The following OPHN1 variants were observed in gnomAD, a reference collection of about 807,000 sequenced individuals.
OPHN1 encodes the protein oligophrenin-1.
In OPHN1, 11 loss-of-function variants were observed where a neutral mutation model predicts 60.7. That is an observed-to-expected ratio of 0.18 (90% CI 0.11 to 0.30). The LOEUF is 0.30. Among genes scored for constraint, OPHN1 ranks in the 10% least tolerant of loss-of-function variants. OPHN1 has a pLI of 1.00. For missense variants in OPHN1, 449 were observed against 611.0 expected (o/e 0.73, Z 2.80); for synonymous variants, 226 against 222.6 (o/e 1.02, Z -0.14).
At chrX:68,137,219 T>C (rs756129902) in intron 15 of OPHN1, among the ~76,000 whole-genome samples, 1 of 111,817 alleles carries the variant, frequency 8.9e-6, no homozygotes, top group African/African-American at 3.2e-5. Context: ...CTTGCATTTC[T>C]TTACCTGAAA....
intron 6 of OPHN1, among the ~76,000 whole-genome samples, chrX:68,223,186 G>T (rs114972868): frequency 0.067 from 7,510 of 111,342 alleles, 306 homozygotes; most frequent in African/African-American, 0.15. Flanking sequence ...TCACTACTGA[G>T]AATCTACCTA....
intron 2 of OPHN1, among the ~76,000 whole-genome samples, chrX:68,412,932 T>C (rs972205389): frequency 1.8e-5 from 2 of 111,638 alleles, no homozygotes; most frequent in East Asian, 5.6e-4. Flanking sequence ...TTTATATCAG[T>C]TTCAGAAGCA....
At chrX:68,214,322 A>G (rs2077598515) in intron 6 of OPHN1, among the ~76,000 whole-genome samples, 1 of 112,557 alleles carries the variant, frequency 8.9e-6, no homozygotes, top group Admixed American at 9.4e-5. Flanking sequence ...AATACAGAGA[A>G]TAAGAAATTA....
intron 5 of OPHN1, among the ~76,000 whole-genome samples, chrX:68,267,757 A>T (rs987405645): frequency 8.9e-6 from 1 of 111,895 alleles, no homozygotes; most frequent in Admixed American, 9.5e-5. Context: ...TGGTTTTTTG[A>T]AAAGATCAAC....
intron 2 of OPHN1, among the ~76,000 whole-genome samples, chrX:68,316,225 C>T (rs2078198645): frequency 9.0e-6 from 1 of 111,037 alleles, no homozygotes; most frequent in South Asian, 3.8e-4. Context: ...TCCACAATTA[C>T]AATAGGAGAC....
At chrX:68,154,315 G>A (rs1320058329) in intron 15 of OPHN1, among the ~76,000 whole-genome samples, 1 of 112,484 alleles carries the variant, frequency 8.9e-6, no homozygotes, top group East Asian at 2.8e-4. Flanking sequence ...TTTAAGGCAA[G>A]TATCTAGATT....
intron 6 of OPHN1, among the ~76,000 whole-genome samples, chrX:68,219,678 C>T (rs1273152209): frequency 3.6e-5 from 4 of 110,940 alleles, no homozygotes; most frequent in Non-Finnish European, 7.6e-5. Flanking sequence ...TCCTGAATGA[C>T]TACTGGGTAC....
intron 5 of OPHN1, among the ~76,000 whole-genome samples, chrX:68,239,770 T>C (rs1353609743): frequency 1.8e-5 from 2 of 109,709 alleles, no homozygotes; most frequent in Admixed American, 9.8e-5. Context: ...ATTTTAAATC[T>C]TTCCTTCCCA....
At chrX:68,117,192 A>G (rs754167356) in intron 16 of OPHN1, among the ~76,000 whole-genome samples, 6 of 110,414 alleles carry the variant, frequency 5.4e-5, no homozygotes, top group Non-Finnish European at 1.1e-4. Context: ...CCCTATACTG[A>G]TTCATGTAGT....
chrX:68,332,121 G>C (rs752218461), intron 2 of OPHN1, among the ~76,000 whole-genome samples: 1 of 112,140 alleles, frequency 8.9e-6, no homozygotes, highest in East Asian at 2.8e-4. Context: ...TTGAGGACAT[G>C]TGTACACAGT....
chrX:68,327,067 A>G (rs1378825368), intron 2 of OPHN1, among the ~76,000 whole-genome samples: 1 of 30,986 alleles, frequency 3.2e-5, no homozygotes, highest in African/African-American at 7.4e-4. Context: ...CGCCCTATCC[A>G]GGAGGTGAGG....
chrX:68,333,719 A>G (rs982979701), intron 2 of OPHN1, among the ~76,000 whole-genome samples: 1 of 110,753 alleles, frequency 9.0e-6, no homozygotes, highest in African/African-American at 3.3e-5. Flanking sequence ...ACGCACCTCC[A>G]TATATGAAAT....
intron 2 of OPHN1, among the ~76,000 whole-genome samples, chrX:68,321,447 CCATT>C (rs2078234844): frequency 8.9e-6 from 1 of 111,777 alleles, no homozygotes; most frequent in African/African-American, 3.3e-5. Context: ...TACTAGAATC[CCATT>C]CAATCATTAA....
chrX:68,071,644 C>T (rs1328306710), intron 20 of OPHN1: 1 of 553,824 alleles, frequency 1.8e-6, no homozygotes, highest in Admixed American at 2.3e-5. Context: ...AAGACAGTAG[C>T]CTTAATCCTC....
chrX:68,181,531 T>G (rs953875679), intron 15 of OPHN1, among the ~76,000 whole-genome samples: 2 of 111,370 alleles, frequency 1.8e-5, no homozygotes, highest in Non-Finnish European at 3.8e-5. Context: ...CCTGCTAAAT[T>G]TGGCATCCCT....
At chrX:68,270,360 C>T (rs200354055) in intron 5 of OPHN1, among the ~76,000 whole-genome samples, 1 of 110,201 alleles carries the variant, frequency 9.1e-6, no homozygotes, top group Non-Finnish European at 1.9e-5. Flanking sequence ...CAATGATAGA[C>T]TGGACTAAGA....
chrX:68,246,592 T>C (rs2077807062), intron 5 of OPHN1, among the ~76,000 whole-genome samples: 1 of 111,775 alleles, frequency 8.9e-6, no homozygotes, highest in South Asian at 3.8e-4. Flanking sequence ...AATAGTTAGT[T>C]TACATAACTT....
In OPHN1 at chrX:68,082,289, A is replaced by G. The variant is rs775573529; in HGVS notation, c.1687-8990T>C. On this transcript the variant is annotated intron_variant, in intron 19 of 24. Coordinates refer to ENST00000355520, the MANE Select transcript of OPHN1 (RefSeq NM_002547.3). Reference sequence around the variant, plus strand: ...ATATTTTGACCTCCTCTCATAAATTATTAATATTCTTAATGACATCTAGAT... The same window carrying G: ...ATATTTTGACCTCCTCTCATAAATTGTTAATATTCTTAATGACATCTAGAT... Among the ~76,000 whole-genome samples, 4 of 112,508 alleles carry G rather than the reference A, an allele frequency of 3.6e-5. No individual in the cohort carries two copies. The South Asian group carries it at 1.5e-3, about 42-fold the overall frequency.
At chrX:68,090,518 G>C (rs1032125669) in intron 19 of OPHN1, among the ~76,000 whole-genome samples, 34 of 110,890 alleles carry the variant, frequency 3.1e-4, no homozygotes, top group African/African-American at 1.0e-3. Context: ...ACCAGGACTG[G>C]AAGGGTCTGT....
Sources: allele counts gnomAD v4.1 joint callset (sites outside exome capture counted in the v4.1 genomes callset), GRCh38; gene constraint gnomAD v4.1.1; transcripts MANE v1.5; gene names NCBI Gene and HGNC (gene_info 2026-07-23, HGNC 2026-07-21).